NF1: variants seen among roughly 807,000 people sequenced by gnomAD.
The protein encoded by NF1 is neurofibromin 1, also known as neurofibromin.
NF1 carries 122 observed loss-of-function variants against 325.7 expected under a neutral mutation model. The observed-to-expected ratio is 0.37, with a 90% CI of 0.32 to 0.44. The LOEUF is 0.44. Among genes scored for constraint, NF1 ranks in the 20% least tolerant of loss-of-function variants. The pLI, the probability that NF1 is intolerant of heterozygous loss-of-function variation, is 1.00. For missense variants in NF1, 2,140 were observed against 3,415.4 expected (o/e 0.63, Z 9.31); for synonymous variants, 1,091 against 1,186.0 (o/e 0.92, Z 1.65).
intron 12 of NF1, among the ~76,000 whole-genome samples, chr17:31,211,450 A>G (rs2066727078): frequency 1.3e-5 from 2 of 152,252 alleles, no homozygotes; most frequent in African/African-American, 2.4e-5. Flanking sequence ...TTAAGAGGTG[A>G]CATAATTAAA....
At chr17:31,269,061 G>A (rs898184331) in intron 36 of NF1, among the ~76,000 whole-genome samples, 1 of 151,774 alleles carries the variant, frequency 6.6e-6, no homozygotes, top group African/African-American at 2.4e-5. Flanking sequence ...ACGTACCTTG[G>A]CAATGTCTTT....
rs757368493 is a variant in NF1, at chr17:31,200,662, T to C, written c.1062+67T>C. 3.2e-5 allele frequency: 49 copies of C among 1,535,876 alleles called. No individual in the cohort carries two copies. Among genetic ancestry groups the C allele is most frequent in the Non-Finnish European group, 4.1e-5 (46 of 1,112,840 alleles). On this transcript the variant is annotated intron_variant, in intron 9 of 57. Coordinates refer to ENST00000358273, the MANE Select transcript of NF1 (RefSeq NM_001042492.3). ...TTAAATGAATTTTCTAGCATAAGTA[T>C]TATGTCAAAGATAATTGCTAACATT...
chr17:31,331,038 C>G (rs1342334920), intron 39 of NF1: 1 of 152,146 alleles, frequency 6.6e-6, no homozygotes, highest in Non-Finnish European at 1.5e-5. Context: ...ATCTTTATAT[C>G]CTATAGTTTT....
chr17:31,218,937 T>C (rs773348384), intron 13 of NF1, 68 bp from the exon 14 acceptor site: 34 of 1,464,516 alleles, frequency 2.3e-5, no homozygotes, highest in Non-Finnish European at 3.1e-5. Flanking sequence ...ACTGTCTATT[T>C]CTTCCTCCTT....
chr17:31,304,367 C>G, intron 36 of NF1: 1 of 1,614,078 alleles, frequency 6.2e-7, no homozygotes, highest in African/African-American at 1.3e-5. Flanking sequence ...TTGGAATCTT[C>G]TTGGTTTTTC....
chr17:31,347,489 C>A (rs2070024775), intron 48 of NF1, among the ~76,000 whole-genome samples: 1 of 151,986 alleles, frequency 6.6e-6, no homozygotes, highest in African/African-American at 2.4e-5. Flanking sequence ...TATCGATAAA[C>A]CATTTGTTAA....
intron 36 of NF1, among the ~76,000 whole-genome samples, chr17:31,313,727 T>C (rs1440575241): frequency 4.1e-5 from 1 of 24,636 alleles, no homozygotes; most frequent in African/African-American, 1.3e-4. Flanking sequence ...AAAATATGTG[T>C]GTGTGTGTGT....
Position 31,334,110 on chromosome 17 carries a change from C to T in NF1, c.5813-728C>T, listed in dbSNP as rs146532029. On this transcript the variant is annotated intron_variant, in intron 39 of 57. Transcript: ENST00000358273. ...GACCATCCTGGCTAACACAGTGAAA[C>T]CCCGTCTCTACTCAAAATATGAAAA... Among the ~76,000 whole-genome samples the T allele has an allele frequency of 4.2e-3, 644 of 152,186 alleles. 6 individuals are homozygous for T. The highest frequency in any genetic ancestry group is 0.015 in the African/African-American group (615 of 41,506).
chr17:31,120,555 A>G (rs1481650933), intron 1 of NF1, among the ~76,000 whole-genome samples: 2 of 152,282 alleles, frequency 1.3e-5, no homozygotes, highest in East Asian at 3.9e-4. Flanking sequence ...CTGCAGACAG[A>G]GACAGTTTGA....
At chr17:31,125,773 T>C (rs976453890) in intron 1 of NF1, among the ~76,000 whole-genome samples, 1 of 152,054 alleles carries the variant, frequency 6.6e-6, no homozygotes, top group Admixed American at 6.6e-5. Context: ...TGACCTCAAG[T>C]GATCTGTCCA....
At chr17:31,368,904 C>T (rs969038745) in intron 57 of NF1, among the ~76,000 whole-genome samples, 1 of 152,172 alleles carries the variant, frequency 6.6e-6, no homozygotes. Context: ...TAAGAGTTTT[C>T]TAATAAGTTT....
rs1421708806 is a variant in NF1, at chr17:31,340,529, T to C, written c.6946T>C (p.Phe2316Leu). 1 of 1,614,160 alleles carries C rather than the reference T, an allele frequency of 6.2e-7. No individual in the cohort carries two copies. Among genetic ancestry groups the C allele is most frequent in the Admixed American group, 1.7e-5 (1 of 60,018 alleles). Residue 2316 changes from phenylalanine to leucine, a missense_variant, in exon 47 of 58, where the codon TTT becomes CTT. This residue lies in a region of NF1 where 522 missense variants were observed against 749.0 expected (regional missense o/e 0.70). Coordinates refer to ENST00000358273, the MANE Select transcript of NF1 (RefSeq NM_001042492.3). The part of the protein sequence containing the change: ...NKDSPLHKAL[F>L]WVAVAVLQLD... Reference sequence around the variant, plus strand: ...GGACTCGCCTCTGCACAAAGCCCTCTTTTGGGTAGCTGTGGCTGTGCTGCA... The same window carrying C: ...GGACTCGCCTCTGCACAAAGCCCTCCTTTGGGTAGCTGTGGCTGTGCTGCA...
intron 8 of NF1, among the ~76,000 whole-genome samples, chr17:31,184,174 G>A (rs923935760): frequency 6.6e-6 from 1 of 152,074 alleles, no homozygotes; most frequent in East Asian, 1.9e-4. Flanking sequence ...ACTGATAGTC[G>A]TTGCTGTGAA....
At chr17:31,187,712 AC>A (rs1342937499) in intron 8 of NF1, among the ~76,000 whole-genome samples, 4 of 152,120 alleles carry the variant, frequency 2.6e-5, no homozygotes, top group African/African-American at 9.7e-5. Context: ...GGAATCACTC[AC>A]CATCACCCCT....
intron 8 of NF1, among the ~76,000 whole-genome samples, chr17:31,186,954 T>C (rs1343362734): frequency 6.6e-6 from 1 of 152,176 alleles, no homozygotes. Flanking sequence ...AGCTACCTTG[T>C]TGATTATATT....
intron 24 of NF1, 94 bp from the exon 25 acceptor site, chr17:31,231,971 AAGGTTTAT>A: frequency 1.4e-6 from 1 of 697,114 alleles, no homozygotes; most frequent in Non-Finnish European, 2.4e-6. Flanking sequence ...GGTAGTTCCT[AAGGTTTAT>A]ATCTGTTAGT....
intron 36 of NF1, among the ~76,000 whole-genome samples, chr17:31,322,092 T>C (rs899341118): frequency 6.2e-5 from 3 of 48,488 alleles, no homozygotes; most frequent in Non-Finnish European, 1.3e-4. Context: ...GTAGTGTGTG[T>C]ATACACACAC....
intron 12 of NF1, among the ~76,000 whole-genome samples, chr17:31,214,004 A>G (rs1250548240): frequency 1.3e-5 from 2 of 152,192 alleles, no homozygotes; most frequent in Non-Finnish European, 2.9e-5. Flanking sequence ...ATAATGATGC[A>G]TCTTACAATT....
intron 8 of NF1, among the ~76,000 whole-genome samples, chr17:31,199,479 T>C (rs1285612223): frequency 1.3e-5 from 2 of 152,226 alleles, no homozygotes; most frequent in Admixed American, 1.3e-4. Flanking sequence ...ACTTATTTTG[T>C]AGCCTAACAT....
Sources: gnomAD v4.1 joint callset for allele counts (sites outside exome capture counted in the v4.1 genomes callset) on GRCh38, gnomAD v4.1.1 for gene constraint, gnomAD v4.1.1 regional missense constraint, MANE v1.5 for transcripts, NCBI Gene and HGNC (gene_info 2026-07-23, HGNC 2026-07-21) for gene names.